DNAH6: variants seen among roughly 807,000 people sequenced by gnomAD.
DNAH6 encodes the protein axonemal beta dynein heavy chain 6.
DNAH6 carries 340 observed loss-of-function variants against 491.4 expected under a neutral mutation model. The ratio of observed to expected loss-of-function variants is 0.69; its 90% CI spans 0.63 to 0.76. The LOEUF (loss-of-function observed/expected upper bound fraction) is 0.76, where lower values mean the gene tolerates loss of function less well. Among genes scored for constraint, DNAH6 ranks in the 30% least tolerant of loss-of-function variants. The probability of loss-of-function intolerance (pLI) is 0.00; values close to 1 mark genes in which losing one functional copy is unlikely to be tolerated. For synonymous variants in DNAH6, 1,603 were observed against 1,686.1 expected (o/e 0.95, Z 1.21); for missense variants, 4,443 against 4,972.2 (o/e 0.89, Z 3.20).
chr2:84,556,974 CTAAT>C (rs1371721729), intron 10 of DNAH6, among the ~76,000 whole-genome samples: 1 of 152,186 alleles, frequency 6.6e-6, no homozygotes, highest in Non-Finnish European at 1.5e-5. Flanking sequence ...AAGGGTTTCT[CTAAT>C]TAGTTATTAA....
intron 21 of DNAH6, 75 bp downstream of exon 21, chr2:84,607,170 A>G (rs902115976): frequency 3.8e-5 from 51 of 1,358,550 alleles, no homozygotes; most frequent in Non-Finnish European, 4.5e-5. Context: ...TATTTGTTTC[A>G]TTATTTAAAT....
At chr2:84,744,380 A>G (rs1672776620) in intron 62 of DNAH6, among the ~76,000 whole-genome samples, 1 of 152,226 alleles carries the variant, frequency 6.6e-6, no homozygotes, top group Admixed American at 6.5e-5. Context: ...AGTACATGTT[A>G]TAACCATTGT....
At chr2:84,512,566 A>G (rs1185606280), upstream of DNAH6, among the ~76,000 whole-genome samples, 3 of 152,192 alleles carry the variant, frequency 2.0e-5, no homozygotes, top group Non-Finnish European at 4.4e-5. Context: ...CATTCAAACC[A>G]TAGCAATGGT....
chr2:84,657,702 ATTTGT>A lies in DNAH6; in HGVS notation c.5758-579_5758-575del, dbSNP rs1414852521. The stretch of plus-strand genomic sequence containing the variant: ...ATAATTACCTATGAGTTCCAGTTTT[ATTTGT>A]TTTGTTTTGTCAATTTAGGTAGATT... On this transcript the variant is annotated intron_variant, in intron 35 of 76. Coordinates refer to ENST00000389394, the MANE Select transcript of DNAH6 (RefSeq NM_001370.2). 2.0e-5 allele frequency among the ~76,000 whole-genome samples: 3 copies of A among 151,944 alleles called. No individual in the cohort carries two copies. The East Asian group carries it at 5.8e-4, about 29-fold the overall frequency.
At chr2:84,549,153 A>G (rs1679081905) in intron 8 of DNAH6, among the ~76,000 whole-genome samples, 1 of 152,226 alleles carries the variant, frequency 6.6e-6, no homozygotes, top group African/African-American at 2.4e-5. Context: ...ATTTCCCATC[A>G]TTCTAAAACC....
chr2:84,597,506 G>A (rs1684712697), intron 18 of DNAH6, among the ~76,000 whole-genome samples: 1 of 152,220 alleles, frequency 6.6e-6, no homozygotes, highest in African/African-American at 2.4e-5. Context: ...CATGTTGCTG[G>A]TAGGATCGTA....
intron 68 of DNAH6, among the ~76,000 whole-genome samples, chr2:84,795,681 T>G (rs1433590481): frequency 1.3e-5 from 2 of 152,132 alleles, no homozygotes; most frequent in African/African-American, 4.8e-5. Context: ...ATATCAGCAA[T>G]AGATTCCAGT....
intron 29 of DNAH6, among the ~76,000 whole-genome samples, chr2:84,626,961 A>G (rs956815685): frequency 6.6e-6 from 1 of 152,148 alleles, no homozygotes; most frequent in African/African-American, 2.4e-5. Context: ...GATATTTATT[A>G]AACTACATAT....
At chr2:84,463,972 T>G in the DNAH6 span, among the ~76,000 whole-genome samples, 1 of 152,212 alleles carries the variant, frequency 6.6e-6, no homozygotes, top group African/African-American at 2.4e-5. Flanking sequence ...ATATCTTACC[T>G]TGATTTTTTG....
chr2:84,720,266 T>G (rs894145281), intron 59 of DNAH6, among the ~76,000 whole-genome samples: 13 of 118,626 alleles, frequency 1.1e-4, no homozygotes, highest in African/African-American at 3.7e-4. Flanking sequence ...CAAGAGTGCT[T>G]CTTTTTTTTT....
chr2:84,650,788 A>T (rs1175684895), intron 33 of DNAH6, among the ~76,000 whole-genome samples: 1 of 152,114 alleles, frequency 6.6e-6, no homozygotes, highest in Non-Finnish European at 1.5e-5. Context: ...GCATCTATTG[A>T]TTGTCTCTCT....
chr2:84,805,516 T>TGGTCGTCG, intron 70 of DNAH6, 149 bp from the exon 71 acceptor site: 1 of 648,600 alleles, frequency 1.5e-6, no homozygotes, highest in Non-Finnish European at 2.4e-6. Flanking sequence ...AGATCTCATG[T>TGGTCGTCG]TAATTGTTCT....
chr2:84,780,402 C>T (rs1277727904), intron 64 of DNAH6, among the ~76,000 whole-genome samples: 1 of 152,066 alleles, frequency 6.6e-6, no homozygotes, highest in Non-Finnish European at 1.5e-5. Flanking sequence ...CTCTGAAATT[C>T]GTTTTTTGAC....
intron 2 of DNAH6, among the ~76,000 whole-genome samples, chr2:84,522,635 T>C (rs1363087968): frequency 2.0e-5 from 3 of 151,996 alleles, no homozygotes; most frequent in East Asian, 1.9e-4. Context: ...TTTTGAGGTA[T>C]GTTTCTTTGA....
At chr2:84,604,086 TG>T (rs1344172998) in intron 18 of DNAH6, among the ~76,000 whole-genome samples, 1 of 152,218 alleles carries the variant, frequency 6.6e-6, no homozygotes, top group Non-Finnish European at 1.5e-5. Context: ...TTTCAGTTGC[TG>T]TTTCTCCTTG....
In DNAH6 at chr2:84,518,065, C is replaced by T; in HGVS notation, c.225+14C>T. On this transcript the variant is annotated intron_variant, in intron 2 of 76. Transcript: ENST00000389394. ...CTAGAGCCTTTGGTAAGTTCAAAAA[C>T]CATTGTTTTAGCCTCTGTAGCCACA... 2.0e-6 allele frequency: 3 copies of T among 1,530,610 alleles called. No individual in the cohort carries two copies. Among genetic ancestry groups the T allele is most frequent in the Non-Finnish European group, 2.6e-6 (3 of 1,138,134 alleles). 94.8% of individuals were successfully genotyped at this position (1,530,610 alleles called of 1,614,324 possible).
Position 84,727,883 on chromosome 2 carries a change from G to A in DNAH6, c.10187G>A (p.Gly3396Asp), listed in dbSNP as rs1698787647. Residue 3396 changes from glycine to aspartate, a missense_variant, in exon 61 of 77, where the codon GGT becomes GAT. Gly to Asp is a moderately conservative substitution (Grantham distance 94). Around this residue, in one of 3 missense-constraint regions of DNAH6, gnomAD observed 1,463 missense variants for 1,656.6 expected, o/e 0.88. Coordinates refer to ENST00000389394, the MANE Select transcript of DNAH6 (RefSeq NM_001370.2). ...GCTGAATGGAATTTCTTTCTCCGAG[G>A]TTCTGCAGGATTGGAAAAGGTACCT... Reference protein sequence around the residue: ...SDAEWNFFLRGSAGLEKERPP... With the variant: ...SDAEWNFFLRDSAGLEKERPP... 1 of 1,551,048 alleles carries A rather than the reference G, an allele frequency of 6.4e-7. No homozygotes were observed. The highest frequency in any genetic ancestry group is 8.7e-7 in the Non-Finnish European group (1 of 1,146,052).
In DNAH6 at chr2:84,670,468, T is replaced by C. The variant is rs1692619604; in HGVS notation, c.6447T>C (p.Asn2149=). 2.0e-6 allele frequency: 3 copies of C among 1,524,868 alleles called. No homozygotes were observed. In the African/African-American group the frequency reaches 4.2e-5, roughly 21 times the overall value. 94.5% of individuals were successfully genotyped at this position (1,524,868 alleles called of 1,614,324 possible). The part of the protein sequence containing the change: ...IESKLERKRK[N]ILGAPGNKRI... ...CAAAACTGGAGAGAAAAAGAAAAAATATTCTAGGTAAGAATCATTATTTTA... is the reference window on the plus strand; with the variant it reads ...CAAAACTGGAGAGAAAAAGAAAAAACATTCTAGGTAAGAATCATTATTTTA... The change falls in exon 39 of 77, where the codon AAT becomes AAC. Residue 2149 remains asparagine (N), a synonymous_variant. Coordinates refer to ENST00000389394, the MANE Select transcript of DNAH6 (RefSeq NM_001370.2).
intron 52 of DNAH6, among the ~76,000 whole-genome samples, 179 bp downstream of exon 52, chr2:84,705,926 TC>T (rs1696384787): frequency 1.3e-5 from 2 of 152,238 alleles, no homozygotes; most frequent in South Asian, 4.2e-4. Flanking sequence ...GCCTCTGAAA[TC>T]AGCCTTCTTT....
Sources: allele counts gnomAD v4.1 joint callset (sites outside exome capture counted in the v4.1 genomes callset), GRCh38; gene constraint gnomAD v4.1.1; regional missense constraint gnomAD v4.1.1; transcripts MANE v1.5; gene names NCBI Gene and HGNC (gene_info 2026-07-23, HGNC 2026-07-21).